Variants in HSPG2 observed in about 807,000 individuals in gnomAD.
HSPG2 encodes heparan sulfate proteoglycan 2, also known as basement membrane-specific heparan sulfate proteoglycan core protein.
Under a neutral mutation model 526.6 loss-of-function variants are expected in HSPG2, and 278 were observed. The observed-to-expected ratio is 0.53, with a 90% CI of 0.48 to 0.58. The LOEUF is 0.58. HSPG2 is among the 20% of genes least tolerant of loss of function. HSPG2 has a pLI of 0.00. For synonymous variants in HSPG2, 2,465 were observed against 2,555.4 expected (o/e 0.96, Z 1.07); for missense variants, 5,354 against 6,099.5 (o/e 0.88, Z 4.07).
chr1:21,926,353 G>T (rs575555674), intron 1 of HSPG2, among the ~76,000 whole-genome samples: 3 of 152,114 alleles, frequency 2.0e-5, no homozygotes, highest in Non-Finnish European at 4.4e-5. Context: ...GCAGGTCCCA[G>T]GACAGGGAAG....
At position 21,828,819 on chromosome 1, in the gene HSPG2, AGGAGGCT is replaced by A; in HGVS notation, c.12237+9_12237+15del. The A allele has an allele frequency of 6.5e-7, 1 of 1,549,266 alleles. No homozygotes were observed. The highest frequency in any genetic ancestry group is 1.2e-5 in the South Asian group (1 of 83,894). Reference sequence around the variant, plus strand: ...CACCCCTCCCCTCCCGCTTGTCCCGAGGAGGCTGCTCTTACCTCGCCCACACAGCCGC... The same window carrying A: ...CACCCCTCCCCTCCCGCTTGTCCCGAGCTCTTACCTCGCCCACACAGCCGC... On this transcript the variant is annotated intron_variant, in intron 88 of 96. Coordinates refer to ENST00000374695, the MANE Select transcript of HSPG2 (RefSeq NM_005529.7). This position sits in a 1 kb window ranked among gnomAD's most constrained non-coding sequence, Gnocchi z 6.0.
Position 21,833,267 on chromosome 1 carries a change from C to A in HSPG2, c.11095+1G>T, listed in dbSNP as rs748698869. 6.2e-7 allele frequency: 1 copy of A among 1,613,262 alleles called. No homozygotes were observed. Among genetic ancestry groups the A allele is most frequent in the South Asian group, 1.1e-5 (1 of 91,060 alleles). On this transcript the variant is annotated splice_donor_variant, in intron 80 of 96. Coordinates refer to ENST00000374695, the MANE Select transcript of HSPG2 (RefSeq NM_005529.7). LOFTEE classifies it high-confidence loss of function. ...CCCCGCAAATTAACCCTCCTGCTCA[C>A]CATCGGCTGAGTCGGGCCGGAAGGT...
rs1307959094 is a variant in HSPG2, at chr1:21,864,405, C to T, written c.4627-192G>A. Among the ~76,000 whole-genome samples, 1 of 152,224 alleles carries T rather than the reference C, an allele frequency of 6.6e-6. No homozygotes were observed. Among genetic ancestry groups the T allele is most frequent in the Non-Finnish European group, 1.5e-5 (1 of 68,036 alleles). ...CTCTCCCAGTCCACACTGTTCACCT[C>T]TGGGAGGCATCTCTATGCTGTGCTT... On this transcript the variant is annotated intron_variant, in intron 36 of 96. Coordinates refer to ENST00000374695, the MANE Select transcript of HSPG2 (RefSeq NM_005529.7). This position sits in a 1 kb window ranked among gnomAD's most constrained non-coding sequence, Gnocchi z 4.8.
At position 21,824,649 on chromosome 1, in the gene HSPG2, C is replaced by G; in HGVS notation, c.12666-34G>C. On this transcript the variant is annotated intron_variant, in intron 92 of 96. Transcript: ENST00000374695. This position sits in a 1 kb window ranked among gnomAD's most constrained non-coding sequence, Gnocchi z 5.9. ...GAAGAGCGGGTGAGGGGACAGAAGT[C>G]CCAGATTCCCATCCTCCCCATTAGG... 6.2e-7 allele frequency: 1 copy of G among 1,613,554 alleles called. No homozygotes were observed. The highest frequency in any genetic ancestry group is 8.5e-7 in the Non-Finnish European group (1 of 1,179,734).
chr1:21,855,513 G>C lies in HSPG2; in HGVS notation c.5854+10C>G. The C allele has an allele frequency of 8.7e-6, 14 of 1,610,208 alleles. No individual in the cohort carries two copies. The highest frequency in any genetic ancestry group is 1.2e-5 in the Non-Finnish European group (14 of 1,179,082). Reference sequence around the variant, plus strand: ...CACTCCCGGCCCCCACCCTGAGCCCGGCCTCTCACCATGCACGTGGAGCAC... The same window carrying C: ...CACTCCCGGCCCCCACCCTGAGCCCCGCCTCTCACCATGCACGTGGAGCAC... On this transcript the variant is annotated intron_variant, in intron 46 of 96. Coordinates refer to ENST00000374695, the MANE Select transcript of HSPG2 (RefSeq NM_005529.7).
intron 1 of HSPG2, among the ~76,000 whole-genome samples, chr1:21,936,231 T>G (rs1644485257): frequency 6.6e-6 from 1 of 152,186 alleles, no homozygotes; most frequent in Non-Finnish European, 1.5e-5. Context: ...CTCCTCAAGT[T>G]CACTCAGGTC....
At chr1:21,930,295 T>C (rs1414378953) in intron 1 of HSPG2, among the ~76,000 whole-genome samples, 2 of 152,196 alleles carry the variant, frequency 1.3e-5, no homozygotes, top group African/African-American at 4.8e-5. Flanking sequence ...CAGAGGCTTT[T>C]CCTACCACCC....
At chr1:21,846,326 G>T in intron 63 of HSPG2, 71 bp from the exon 64 acceptor site, 1 of 1,609,998 alleles carries the variant, frequency 6.2e-7, no homozygotes, top group South Asian at 1.1e-5. Flanking sequence ...TGGGGCCAGG[G>T]TCTAACCTCT....
rs980515107 is a variant in HSPG2, at chr1:21,824,043, C to T, written c.12899+78G>A. ...TCTCCACAGAGCTCAATACCTGCCT[C>T]TCTGCCCATGGTAGGGGGCGTCCTG... On this transcript the variant is annotated intron_variant, in intron 95 of 96. Coordinates refer to ENST00000374695, the MANE Select transcript of HSPG2 (RefSeq NM_005529.7). The surrounding 1 kb of genome is among the most constrained non-coding windows in gnomAD (Gnocchi z 5.9). 102 of 1,338,024 alleles carry T rather than the reference C, an allele frequency of 7.6e-5. No individual in the cohort carries two copies. Among genetic ancestry groups the T allele is most frequent in the Non-Finnish European group, 1.1e-4 (100 of 948,942 alleles). The allele number at this position is 1,338,024 out of a possible 1,614,324, so 82.9% of individuals were successfully genotyped here. A position where few individuals can be genotyped will look rare whatever the true frequency, so the allele number is the denominator to read the frequency against.
At position 21,864,036 on chromosome 1, in the gene HSPG2, G is replaced by T; in HGVS notation, c.4740+64C>A. ...CCTGGATTGATGCCTGCCTTGTCCA[G>T]CCCTGGTCCCCCACCCAGGCCCAGC... On this transcript the variant is annotated intron_variant, in intron 37 of 96. Coordinates refer to ENST00000374695, the MANE Select transcript of HSPG2 (RefSeq NM_005529.7). This position sits in a 1 kb window ranked among gnomAD's most constrained non-coding sequence, Gnocchi z 4.8. 7.9e-7 allele frequency: 1 copy of T among 1,271,778 alleles called. No individual in the cohort carries two copies. The highest frequency in any genetic ancestry group is 1.3e-5 in the South Asian group (1 of 78,326). The allele number at this position is 1,271,778 out of a possible 1,614,324, so 78.8% of individuals were successfully genotyped here.
Position 21,885,415 on chromosome 1 carries a change from T to C in HSPG2, c.1115A>G (p.Gln372Arg), listed in dbSNP as rs200224754. The change falls in exon 10 of 97, where the codon CAG (glutamine) becomes CGG (arginine). Residue 372 changes from glutamine to arginine, a missense_variant. Transcript: ENST00000374695. ...KRPEEVCGPT[Q>R]FRCVSTNMCI... is the part of the protein sequence containing the mutation. ...CATGTTGGTAGAGACGCATCGGAAC[T>C]GTGTGGGCCCGCACACTTCCTCAGG... The C allele has an allele frequency of 8.3e-5, 134 of 1,613,968 alleles. No individual in the cohort carries two copies. Among genetic ancestry groups the C allele is most frequent in the Non-Finnish European group, 1.1e-4 (128 of 1,180,004 alleles).
In HSPG2 at chr1:21,846,517, C is replaced by A; in HGVS notation, c.8247G>T (p.Val2749=). The A allele has an allele frequency of 6.2e-7, 1 of 1,613,764 alleles. No individual in the cohort carries two copies. Among genetic ancestry groups the A allele is most frequent in the Non-Finnish European group, 8.5e-7 (1 of 1,180,036 alleles). ...AEGETLDLNC[V]VPGQAHAQVT... ...CCTGGGCATGGGCCTGCCCGGGGAC[C>A]ACGCAGTTCAGATCCAGGGTCTCCC... Residue 2749 remains valine (V), a synonymous_variant, in exon 63 of 97, where the codon GTG becomes GTT. Coordinates refer to ENST00000374695, the MANE Select transcript of HSPG2 (RefSeq NM_005529.7).
chr1:21,894,383 C>A (rs1285510585), intron 3 of HSPG2, among the ~76,000 whole-genome samples: 1 of 152,006 alleles, frequency 6.6e-6, no homozygotes, highest in Admixed American at 6.5e-5. Context: ...TGAGTGGGCA[C>A]CCTGGGACCC....
Position 21,824,665 on chromosome 1 carries a change from C to T in HSPG2, c.12665+39G>A. On this transcript the variant is annotated intron_variant, in intron 92 of 96. Transcript: ENST00000374695. The surrounding 1 kb of genome is among the most constrained non-coding windows in gnomAD (Gnocchi z 5.9). ...GACAGAAGTCCCAGATTCCCATCCT[C>T]CCCATTAGGCCCATGGGCCCTTCCA... 6.2e-7 allele frequency: 1 copy of T among 1,613,234 alleles called. No homozygotes were observed. The highest frequency in any genetic ancestry group is 8.5e-7 in the Non-Finnish European group (1 of 1,179,526).
At chr1:21,884,408 A>G in intron 13 of HSPG2, 120 bp downstream of exon 13, 1 of 1,348,750 alleles carries the variant, frequency 7.4e-7, no homozygotes. Context: ...GTGTTTCTTC[A>G]GCGACTCACA....
intron 3 of HSPG2, among the ~76,000 whole-genome samples, chr1:21,891,798 A>G (rs1004226241): frequency 6.6e-6 from 1 of 152,082 alleles, no homozygotes; most frequent in African/African-American, 2.4e-5. Context: ...TTTGATAGAG[A>G]TGGGGTCTTG....
chr1:21,874,348 T>C, intron 28 of HSPG2, 58 bp downstream of exon 28: 1 of 1,603,872 alleles, frequency 6.2e-7, no homozygotes, highest in Non-Finnish European at 8.5e-7. Context: ...GAAGCGGGTG[T>C]GGGAGCGGGT....
At position 21,838,861 on chromosome 1, in the gene HSPG2, C is replaced by T. The variant is rs1326766709; in HGVS notation, c.10114G>A (p.Gly3372Ser). 3 of 1,612,536 alleles carry T rather than the reference C, an allele frequency of 1.9e-6. No homozygotes were observed. Among genetic ancestry groups the T allele is most frequent in the Admixed American group, 3.3e-5 (2 of 59,846 alleles). ...AGCTGGGCAAAGGCCTCGGCTGAGC[C>T]CACCTTGTTGGTGACCCGGCAGCGG... ...RYRCRVTNKVGSAEAFAQLLV... is the reference protein window; with the variant it reads ...RYRCRVTNKVSSAEAFAQLLV... The change falls in exon 74 of 97, where the codon GGC becomes AGC. Residue 3372 changes from glycine to serine, a missense_variant. Coordinates refer to ENST00000374695, the MANE Select transcript of HSPG2 (RefSeq NM_005529.7).
chr1:21,845,856 G>T (rs1638388792), intron 64 of HSPG2, among the ~76,000 whole-genome samples: 1 of 152,162 alleles, frequency 6.6e-6, no homozygotes, highest in South Asian at 2.1e-4. Flanking sequence ...GTGGCCAGAG[G>T]AACTGGGACT....
Sources: allele counts gnomAD v4.1 joint callset (sites outside exome capture counted in the v4.1 genomes callset), GRCh38; gene constraint gnomAD v4.1.1; non-coding constraint Gnocchi (gnomAD v3.1); transcripts MANE v1.5; gene names NCBI Gene and HGNC (gene_info 2026-07-23, HGNC 2026-07-21).